Variants in SLAMF1 observed in about 807,000 individuals in gnomAD.
SLAMF1 encodes signaling lymphocytic activation molecule.
Under a neutral mutation model 35.1 loss-of-function variants are expected in SLAMF1, and 18 were observed. The ratio of observed to expected loss-of-function variants is 0.51; its 90% CI spans 0.35 to 0.76. The LOEUF (loss-of-function observed/expected upper bound fraction) is 0.76, where lower values mean the gene tolerates loss of function less well. Ranked by LOEUF, SLAMF1 falls within the 30% of genes least tolerant of loss-of-function variation. SLAMF1 has a pLI of 0.01. For synonymous variants in SLAMF1, 168 were observed against 157.2 expected (o/e 1.07, Z -0.51); for missense variants, 392 against 413.0 (o/e 0.95, Z 0.44).
intron 3 of SLAMF1, chr1:160,634,303 C>CACCCA (rs908895933): frequency 1.5e-6 from 1 of 662,254 alleles, no homozygotes. Context: ...TGCAATCCCT[C>CACCCA]ACCCAGCCAA....
chr1:160,617,617 TA>T (rs922466496), intron 5 of SLAMF1, among the ~76,000 whole-genome samples: 85 of 152,010 alleles, frequency 5.6e-4, no homozygotes, highest in Non-Finnish European at 7.9e-4. Flanking sequence ...AGTTCAAAAA[TA>T]AAAAAGGAAA....
chr1:160,643,510 T>C (rs1023245514), intron 1 of SLAMF1, among the ~76,000 whole-genome samples: 1 of 152,224 alleles, frequency 6.6e-6, no homozygotes, highest in Non-Finnish European at 1.5e-5. Context: ...ACTACAGATT[T>C]AATTCTTATG....
chr1:160,610,827 G>C (rs1016556164), intron 6 of SLAMF1, 29 bp from the exon 7 acceptor site: 5 of 1,511,860 alleles, frequency 3.3e-6, no homozygotes, highest in Non-Finnish European at 4.6e-6. Flanking sequence ...TCTGTGAGTA[G>C]AGGGACTGGA....
At chr1:160,635,126 C>T (rs1660369334) in intron 2 of SLAMF1, among the ~76,000 whole-genome samples, 1 of 152,210 alleles carries the variant, frequency 6.6e-6, no homozygotes, top group Non-Finnish European at 1.5e-5. Flanking sequence ...TTTTAGGCCT[C>T]TTCTACCAAT....
chr1:160,633,924 C>A (rs2102333851), intron 3 of SLAMF1, among the ~76,000 whole-genome samples: 1 of 152,282 alleles, frequency 6.6e-6, no homozygotes, highest in South Asian at 2.1e-4. Context: ...ACCTATCTGG[C>A]AAGGTTATTG....
rs3885650 is a variant in SLAMF1, at chr1:160,646,984, T to G, written c.-39A>C. 2.8e-4 allele frequency: 310 copies of G among 1,103,438 alleles called. No individual in the cohort carries two copies. The African/African-American group carries it at 4.4e-3, about 16-fold the overall frequency. The allele number at this position is 1,103,438 out of a possible 1,614,324, so 68.4% of individuals were successfully genotyped here. A position where few individuals can be genotyped will look rare whatever the true frequency, so the allele number is the denominator to read the frequency against. On this transcript the variant is annotated 5_prime_UTR_variant, in exon 1 of 7. Transcript: ENST00000302035. Reference sequence around the variant, plus strand: ...GAAGGAAGGGATCCTGGCCGGAGCCTGGCAGCTGCTCACAGATGCCAGGCA... The same window carrying G: ...GAAGGAAGGGATCCTGGCCGGAGCCGGGCAGCTGCTCACAGATGCCAGGCA...
At chr1:160,637,669 A>G (rs1660529974) in intron 1 of SLAMF1, 140 bp from the exon 2 acceptor site, 3 of 620,270 alleles carry the variant, frequency 4.8e-6, no homozygotes, top group Admixed American at 2.9e-5. Context: ...TTCGTGGTCT[A>G]TAAGAACTGC....
chr1:160,633,989 G>A (rs3766361), intron 3 of SLAMF1, among the ~76,000 whole-genome samples: 80,458 of 152,018 alleles, frequency 0.53, 21,475 homozygotes, highest in South Asian at 0.62. Context: ...ATGAAGCGCT[G>A]TGCAATTTAT....
At position 160,637,323 on chromosome 1, in the gene SLAMF1, G is replaced by A. The variant is rs780639505; in HGVS notation, c.283C>T (p.Arg95Cys). 3 of 1,613,642 alleles carry A rather than the reference G, an allele frequency of 1.9e-6. No homozygotes were observed. The highest frequency in any genetic ancestry group is 1.1e-5 in the South Asian group (1 of 91,064). The change falls in exon 2 of 7, where the codon CGC becomes TGC. Residue 95 changes from arginine to cysteine, a missense_variant. Physicochemically the swap from Arg to Cys is radical, Grantham distance 180. Coordinates refer to ENST00000302035, the MANE Select transcript of SLAMF1 (RefSeq NM_003037.5). The stretch of plus-strand genomic sequence containing the variant: ...AGATTCTCCAGATAAAACTTGTAGC[G>A]ATCTCCTAGATAACGTGGAGGGCCT... The part of the protein sequence containing the change: ...EAGPPRYLGD[R>C]YKFYLENLTL...
chr1:160,628,612 C>G (rs1270124291), intron 3 of SLAMF1, among the ~76,000 whole-genome samples: 1 of 152,120 alleles, frequency 6.6e-6, no homozygotes, highest in Non-Finnish European at 1.5e-5. Context: ...TATTTGTATC[C>G]TCCATTCCAC....
Position 160,642,443 on chromosome 1 carries a change from A to C in SLAMF1, c.76+4427T>G, listed in dbSNP as rs887169524. ...CAATGGACAATGAACGCACTCCTTC[A>C]TATCATTCATCACGTGTTCAACTCT... On this transcript the variant is annotated intron_variant, in intron 1 of 6. Transcript: ENST00000302035. The surrounding 1 kb of genome is among the most constrained non-coding windows in gnomAD (Gnocchi z 4.2). Among the ~76,000 whole-genome samples the C allele has an allele frequency of 1.3e-5, 2 of 152,186 alleles. No homozygotes were observed. Among genetic ancestry groups the C allele is most frequent in the African/African-American group, 4.8e-5 (2 of 41,436 alleles).
rs1165815550 is a variant in SLAMF1, at chr1:160,608,288, C to G, written c.*2460G>C. 1 of 152,254 alleles carries G rather than the reference C, an allele frequency of 6.6e-6. No homozygotes were observed. The highest frequency in any genetic ancestry group is 1.5e-5 in the Non-Finnish European group (1 of 68,066). The allele number at this position is 152,254 out of a possible 1,614,324, so 9.4% of individuals were successfully genotyped here. A position where few individuals can be genotyped will look rare whatever the true frequency, so the allele number is the denominator to read the frequency against. ...CCTGGGACTGTGCCCAGTTGTACTT[C>G]AGAACATCAGTCCCTTCAAACCGAG... On this transcript the variant is annotated 3_prime_UTR_variant, in exon 7 of 7. Transcript: ENST00000302035.
At chr1:160,618,939 C>T (rs1659457521) in intron 5 of SLAMF1, among the ~76,000 whole-genome samples, 1 of 152,068 alleles carries the variant, frequency 6.6e-6, no homozygotes, top group Non-Finnish European at 1.5e-5. Flanking sequence ...CCCTCCAGGC[C>T]ACTAGGGGAC....
At chr1:160,630,937 C>G (rs927988966) in intron 3 of SLAMF1, among the ~76,000 whole-genome samples, 3 of 152,152 alleles carry the variant, frequency 2.0e-5, no homozygotes, top group African/African-American at 7.2e-5. Context: ...CTGGGATGCT[C>G]TCTCTAATCC....
At chr1:160,636,035 A>G (rs1660439480) in intron 2 of SLAMF1, among the ~76,000 whole-genome samples, 1 of 152,132 alleles carries the variant, frequency 6.6e-6, no homozygotes, top group Non-Finnish European at 1.5e-5. Context: ...TCAAAATCCA[A>G]ACTCTTCCTT....
chr1:160,636,943 C>G, intron 2 of SLAMF1: 1 of 505,540 alleles, frequency 2.0e-6, no homozygotes, highest in Non-Finnish European at 3.5e-6. Flanking sequence ...GAGCTGTGCC[C>G]CTTTCCTTTG....
rs140009852 is a variant in SLAMF1, at chr1:160,637,179, C to G, written c.415+12G>C. 2 of 1,604,180 alleles carry G rather than the reference C, an allele frequency of 1.2e-6. No individual in the cohort carries two copies. The highest frequency in any genetic ancestry group is 2.7e-5 in the African/African-American group (2 of 74,642). On this transcript the variant is annotated intron_variant, in intron 2 of 6. Coordinates refer to ENST00000302035, the MANE Select transcript of SLAMF1 (RefSeq NM_003037.5). Reference sequence around the variant, plus strand: ...GCCCTTTAGTGTGGACTGGGGAAGCCGCCATTATTACCATAAAGCCTCAAC... The same window carrying G: ...GCCCTTTAGTGTGGACTGGGGAAGCGGCCATTATTACCATAAAGCCTCAAC...
Position 160,610,621 on chromosome 1 carries a change from G to A in SLAMF1, c.*127C>T. ...TATGTGGAAGAAACATCACCAGGGA[G>A]TTGATCTGAGAAGGGTACAGACGTG... On this transcript the variant is annotated 3_prime_UTR_variant, in exon 7 of 7. Transcript: ENST00000302035. 1.4e-6 allele frequency: 1 copy of A among 701,532 alleles called. No homozygotes were observed. The highest frequency in any genetic ancestry group is 2.6e-6 in the Non-Finnish European group (1 of 386,670). The allele number at this position is 701,532 out of a possible 1,614,324, so 43.5% of individuals were successfully genotyped here. A position where few individuals can be genotyped will look rare whatever the true frequency, so the allele number is the denominator to read the frequency against.
chr1:160,624,243 C>G (rs1409875910), intron 3 of SLAMF1, 58 bp from the exon 4 acceptor site: 5 of 1,219,554 alleles, frequency 4.1e-6, no homozygotes, highest in Non-Finnish European at 4.8e-6. Flanking sequence ...TTAAAAACAT[C>G]TTACATGAAA....
Sources: allele counts gnomAD v4.1 joint callset (sites outside exome capture counted in the v4.1 genomes callset), GRCh38; gene constraint gnomAD v4.1.1; non-coding constraint Gnocchi (gnomAD v3.1); transcripts MANE v1.5; gene names NCBI Gene and HGNC (gene_info 2026-07-23, HGNC 2026-07-21).